Variants in GALK2 observed in about 807,000 individuals in gnomAD.
The protein encoded by GALK2 is galactokinase 2, also known as N-acetylgalactosamine kinase.
In GALK2, 36 loss-of-function variants were observed where a neutral mutation model predicts 52.4. The ratio of observed to expected loss-of-function variants is 0.69; its 90% CI spans 0.53 to 0.91. The LOEUF (loss-of-function observed/expected upper bound fraction) is 0.91. Ranked by LOEUF, GALK2 falls within the 40% of genes least tolerant of loss-of-function variation. GALK2 has a pLI of 0.00. For synonymous variants in GALK2, 176 were observed against 199.1 expected (o/e 0.88, Z 0.98); for missense variants, 579 against 559.1 (o/e 1.04, Z -0.36).
chr15:49,224,584 G>C (rs1410240897), intron 3 of GALK2, among the ~76,000 whole-genome samples: 1 of 152,154 alleles, frequency 6.6e-6, no homozygotes, highest in Non-Finnish European at 1.5e-5. Flanking sequence ...TGAATAGGGA[G>C]CCCTTCCTTC....
At chr15:49,350,505 GGGAGATGCTACCAAGGTTATAAGAATA>G (rs2042087888) in intron 3 of GALK2, among the ~76,000 whole-genome samples, 1 of 152,066 alleles carries the variant, frequency 6.6e-6, no homozygotes, top group Non-Finnish European at 1.5e-5. Flanking sequence ...AGTTTTTACT[GGGAGATGCTACCAAGGTTATAAGAATA>G]GTGGGGGAAA....
At chr15:49,181,070 C>CCT (rs1277537327) in intron 1 of GALK2, among the ~76,000 whole-genome samples, 5 of 122,168 alleles carry the variant, frequency 4.1e-5, no homozygotes, top group Non-Finnish European at 5.4e-5. Flanking sequence ...CCTCCCTTTC[C>CCT]TTCCTTTTCT....
At chr15:49,193,037 G>A (rs1287385057) in intron 1 of GALK2, among the ~76,000 whole-genome samples, 1 of 136,304 alleles carries the variant, frequency 7.3e-6, no homozygotes, top group Non-Finnish European at 1.5e-5. Flanking sequence ...TCGCTCTGTT[G>A]CCCAGGCTGG....
intron 5 of GALK2, among the ~76,000 whole-genome samples, chr15:49,240,003 A>G (rs995096143): frequency 2.6e-5 from 4 of 152,232 alleles, no homozygotes; most frequent in Non-Finnish European, 2.9e-5. Context: ...CCCCATGTAC[A>G]TATACTACCA....
chr15:49,254,118 A>G (rs2091720487), intron 5 of GALK2, among the ~76,000 whole-genome samples: 1 of 144,804 alleles, frequency 6.9e-6, no homozygotes, highest in Non-Finnish European at 1.6e-5. Flanking sequence ...AGTGCCTGAC[A>G]TAAAGGAGGC....
At chr15:49,327,506 TA>T (rs1426349783) in intron 9 of GALK2, 1 of 153,718 alleles carries the variant, frequency 6.5e-6, no homozygotes, top group Non-Finnish European at 1.4e-5. Context: ...AAAACTTGTA[TA>T]AGACTGTACA....
chr15:49,365,276 G>C, intron 3 of GALK2: 1 of 1,443,744 alleles, frequency 6.9e-7, no homozygotes, highest in Non-Finnish European at 9.8e-7. Flanking sequence ...AAGTGTGCAA[G>C]TTACTAAATA....
chr15:49,362,340 T>G (rs1244622522), intron 3 of GALK2, among the ~76,000 whole-genome samples: 2 of 152,302 alleles, frequency 1.3e-5, no homozygotes, highest in African/African-American at 4.8e-5. Context: ...AAGAAGGTTC[T>G]TGCTTCCCCT....
intron 3 of GALK2, among the ~76,000 whole-genome samples, chr15:49,229,482 C>T (rs867667611): frequency 2.0e-5 from 3 of 152,158 alleles, no homozygotes; most frequent in Non-Finnish European, 4.4e-5. Context: ...GTGTTGCATG[C>T]AGGTGGAAGC....
chr15:49,307,389 C>T (rs1455021421), intron 8 of GALK2, among the ~76,000 whole-genome samples: 2 of 152,128 alleles, frequency 1.3e-5, no homozygotes, highest in Admixed American at 1.3e-4. Context: ...GAAATATTCA[C>T]AAATGCCACA....
intron 8 of GALK2, among the ~76,000 whole-genome samples, chr15:49,307,280 C>T (rs887361532): frequency 6.6e-6 from 1 of 152,102 alleles, no homozygotes. Flanking sequence ...AGTGTCACAA[C>T]CATACCATTT....
At chr15:49,210,420 AT>A (rs929300783) in intron 2 of GALK2, among the ~76,000 whole-genome samples, 3 of 147,860 alleles carry the variant, frequency 2.0e-5, no homozygotes, top group African/African-American at 7.6e-5. Context: ...TGGCTGATTT[AT>A]TTTATTTTAT....
At chr15:49,225,186 T>C (rs1380922432) in intron 3 of GALK2, 2 of 455,866 alleles carry the variant, frequency 4.4e-6, no homozygotes, top group Non-Finnish European at 8.8e-6. Flanking sequence ...GCACTGATCC[T>C]GTCTTTTTCT....
intron 8 of GALK2, among the ~76,000 whole-genome samples, chr15:49,300,481 T>A (rs1244224553): frequency 6.6e-6 from 1 of 152,096 alleles, no homozygotes; most frequent in Non-Finnish European, 1.5e-5. Context: ...TGTCATTGCT[T>A]TGTTAGCTGG....
chr15:49,206,283 C>A (rs1170150445), intron 2 of GALK2, among the ~76,000 whole-genome samples: 1 of 151,378 alleles, frequency 6.6e-6, no homozygotes, highest in African/African-American at 2.4e-5. Flanking sequence ...TTTTAGGGTA[C>A]ATGTGCACAA....
At chr15:49,196,782 G>T in intron 1 of GALK2, among the ~76,000 whole-genome samples, 1 of 151,764 alleles carries the variant, frequency 6.6e-6, no homozygotes, top group African/African-American at 2.4e-5. Context: ...GTTTCATTTG[G>T]GATATTTCTT....
At chr15:49,219,693 C>A (rs1394284180) in intron 3 of GALK2, among the ~76,000 whole-genome samples, 1 of 152,136 alleles carries the variant, frequency 6.6e-6, no homozygotes, top group East Asian at 1.9e-4. Context: ...CACCTGTAAT[C>A]CCAGCTACTC....
At chr15:49,192,485 G>GTGTGTGTATATATATA (rs1360198549) in intron 1 of GALK2, among the ~76,000 whole-genome samples, 1 of 102,976 alleles carries the variant, frequency 9.7e-6, no homozygotes, top group African/African-American at 4.1e-5. Context: ...ATATATATAT[G>GTGTGTGTATATATATA]TATATATATA....
At chr15:49,248,612 C>T (rs945485116) in intron 5 of GALK2, among the ~76,000 whole-genome samples, 33 of 152,296 alleles carry the variant, frequency 2.2e-4, no homozygotes, top group African/African-American at 7.7e-4. Flanking sequence ...AATGTAAATA[C>T]AAAACCATTC....
Sources: gnomAD v4.1 joint callset for allele counts (sites outside exome capture counted in the v4.1 genomes callset) on GRCh38, gnomAD v4.1.1 for gene constraint, MANE v1.5 for transcripts, NCBI Gene and HGNC (gene_info 2026-07-23, HGNC 2026-07-21) for gene names.